POLE2: variants seen among roughly 807,000 people sequenced by gnomAD.
The protein encoded by POLE2 is DNA polymerase epsilon 2, accessory subunit, also known as DNA polymerase epsilon subunit 2.
In POLE2, 56 loss-of-function variants were observed where a neutral mutation model predicts 79.4. The observed-to-expected ratio is 0.71, with a 90% CI of 0.57 to 0.88. POLE2 has a LOEUF of 0.88. POLE2 is among the 40% of genes least tolerant of loss of function. POLE2 has a pLI of 0.00. For synonymous variants in POLE2, 212 were observed against 214.0 expected, an observed-to-expected ratio of 0.99 and a Z score of 0.08; for missense variants, 598 against 638.9, an observed-to-expected ratio of 0.94 and a Z score of 0.69.
At chr14:49,675,357 T>C (rs1374509819) in intron 3 of POLE2, among the ~76,000 whole-genome samples, 2 of 152,174 alleles carry the variant, frequency 1.3e-5, no homozygotes, top group African/African-American at 4.8e-5. Flanking sequence ...GTGCAGGGAT[T>C]ACAGGCATGA....
At chr14:49,655,947 G>A (rs1884632579) in intron 10 of POLE2, 104 bp from the exon 11 acceptor site, 1 of 623,020 alleles carries the variant, frequency 1.6e-6, no homozygotes, top group Admixed American at 3.1e-5. Flanking sequence ...ATTTTCCAGT[G>A]TAAAAAGGTA....
chr14:49,660,764 G>A (rs1885042416), intron 10 of POLE2, among the ~76,000 whole-genome samples: 1 of 152,174 alleles, frequency 6.6e-6, no homozygotes, highest in African/African-American at 2.4e-5. Context: ...GGTGGCACAT[G>A]CCTGTAATCC....
intron 18 of POLE2, chr14:49,646,874 CT>C (rs1161953803): frequency 6.5e-6 from 1 of 154,220 alleles, no homozygotes; most frequent in Admixed American, 6.5e-5. Flanking sequence ...TTATTTTCTT[CT>C]TTCTCAAGAC....
intron 5 of POLE2, among the ~76,000 whole-genome samples, chr14:49,671,300 G>T (rs772103837): frequency 6.6e-6 from 1 of 152,108 alleles, no homozygotes; most frequent in African/African-American, 2.4e-5. Flanking sequence ...GCAAGGCAGG[G>T]CCAAGTCCAG....
At chr14:49,652,162 A>T (rs1884296288) in intron 15 of POLE2, among the ~76,000 whole-genome samples, 1 of 38,942 alleles carries the variant, frequency 2.6e-5, no homozygotes, top group African/African-American at 7.9e-5. Flanking sequence ...TAAGAATAGA[A>T]TACGGAGAGG....
At chr14:49,687,048 C>A (rs959570135) in intron 1 of POLE2, among the ~76,000 whole-genome samples, 7 of 152,032 alleles carry the variant, frequency 4.6e-5, no homozygotes, top group African/African-American at 1.7e-4. Flanking sequence ...TTCTGGGAGG[C>A]CACGGCGCGA....
At chr14:49,682,434 C>T (rs971494964) in intron 2 of POLE2, among the ~76,000 whole-genome samples, 3 of 151,374 alleles carry the variant, frequency 2.0e-5, no homozygotes, top group South Asian at 2.1e-4. Flanking sequence ...GTTGGCGGTT[C>T]GAGACCAGCC....
rs372091294 is a variant in POLE2 at position 49,647,465 on chromosome 14, A to AT, written c.1498-106dup. 4.2e-3 allele frequency: 1,439 copies of AT among 343,480 alleles called. 4 individuals are homozygous for AT. The highest frequency in any genetic ancestry group is 5.7e-3 in the Middle Eastern group (6 of 1,060). The allele number at this position is 343,480 out of a possible 1,614,324, so 21.3% of individuals were successfully genotyped here. On this transcript the variant is annotated intron_variant, in intron 17 of 18. Transcript: ENST00000216367. ...TTTTTATTTTTTATTTTATTTATTTATTTTTTTTTTGAGACATGGTCTCAC... is the reference window on the plus strand; with the variant it reads ...TTTTTATTTTTTATTTTATTTATTTATTTTTTTTTTTGAGACATGGTCTCAC...
intron 17 of POLE2, among the ~76,000 whole-genome samples, chr14:49,648,178 T>G (rs986494948): frequency 6.6e-6 from 1 of 152,222 alleles, no homozygotes; most frequent in African/African-American, 2.4e-5. Context: ...TATGAAACTC[T>G]CACGTGGCTG....
chr14:49,645,043 C>CAAAAA (rs527251561), intron 18 of POLE2, among the ~76,000 whole-genome samples: 3 of 88,336 alleles, frequency 3.4e-5, no homozygotes, highest in Admixed American at 1.4e-4. Flanking sequence ...CTCCGTCTCA[C>CAAAAA]AAAAAAAAAA....
intron 2 of POLE2, among the ~76,000 whole-genome samples, chr14:49,680,673 G>T (rs1886637362): frequency 6.6e-6 from 1 of 152,010 alleles, no homozygotes. Flanking sequence ...TCCAGTGGGG[G>T]CTCTTTTAAT....
At chr14:49,659,355 A>G (rs1220634125) in intron 10 of POLE2, among the ~76,000 whole-genome samples, 2 of 152,022 alleles carry the variant, frequency 1.3e-5, no homozygotes, top group African/African-American at 4.8e-5. Flanking sequence ...AGTGAGCTAT[A>G]ATCATATCAC....
chr14:49,684,846 G>A (rs1340691760), intron 1 of POLE2, among the ~76,000 whole-genome samples: 1 of 151,918 alleles, frequency 6.6e-6, no homozygotes, highest in Admixed American at 6.6e-5. Context: ...GCATGGTGGC[G>A]GGCGCCGGTA....
At position 49,654,217 on chromosome 14, in the gene POLE2, G is replaced by A. The variant is rs754586588; in HGVS notation, c.1074-3C>T. ...CAGGTACAAACACAAAACGACTACT[G>A]TAGCAAAATTCAACACAATTCATTT... On this transcript the variant is annotated splice_polypyrimidine_tract_variant and splice_region_variant and intron_variant, in intron 13 of 18. Coordinates refer to ENST00000216367, the MANE Select transcript of POLE2 (RefSeq NM_002692.4). The A allele has an allele frequency of 1.3e-6, 2 of 1,599,186 alleles. No homozygotes were observed. The highest frequency in any genetic ancestry group is 1.7e-5 in the Admixed American group (1 of 59,562).
At chr14:49,686,147 A>T (rs1216933157) in intron 1 of POLE2, among the ~76,000 whole-genome samples, 1 of 152,198 alleles carries the variant, frequency 6.6e-6, no homozygotes, top group Non-Finnish European at 1.5e-5. Flanking sequence ...TGGTAGTTAC[A>T]CCTATGTAAT....
intron 1 of POLE2, among the ~76,000 whole-genome samples, chr14:49,684,191 G>A (rs1886941674): frequency 6.6e-6 from 1 of 152,110 alleles, no homozygotes; most frequent in Admixed American, 6.6e-5. Context: ...GGCTGTGCGC[G>A]GTGGCTCACG....
intron 5 of POLE2, among the ~76,000 whole-genome samples, chr14:49,672,885 C>T (rs1352255081): frequency 3.3e-5 from 5 of 152,166 alleles, no homozygotes; most frequent in Non-Finnish European, 7.3e-5. Context: ...GCTCCCAAAT[C>T]TCTCTCTTGC....
chr14:49,683,194 G>A (rs1276319590), intron 2 of POLE2, among the ~76,000 whole-genome samples: 1 of 152,176 alleles, frequency 6.6e-6, no homozygotes, highest in Non-Finnish European at 1.5e-5. Flanking sequence ...GTGAGCCCAG[G>A]AGTTTGAGAC....
chr14:49,663,292 G>A, intron 10 of POLE2, 23 bp downstream of exon 10: 1 of 1,371,302 alleles, frequency 7.3e-7, no homozygotes, highest in Non-Finnish European at 1.0e-6. Flanking sequence ...TTCCCATAGA[G>A]TATAAACCAA....
Sources: gnomAD v4.1 joint callset for allele counts (sites outside exome capture counted in the v4.1 genomes callset) on GRCh38, gnomAD v4.1.1 for gene constraint, MANE v1.5 for transcripts, NCBI Gene and HGNC (gene_info 2026-07-23, HGNC 2026-07-21) for gene names.